Variants in BTRC observed in about 807,000 individuals in gnomAD.
The protein encoded by BTRC is beta-transducin repeat containing E3 ubiquitin protein ligase.
In BTRC, 42 loss-of-function variants were observed where a neutral mutation model predicts 85.5. The observed-to-expected ratio is 0.49, with a 90% CI of 0.38 to 0.64. BTRC has a LOEUF of 0.64. Among genes scored for constraint, BTRC ranks in the 30% least tolerant of loss-of-function variants. The probability of loss-of-function intolerance (pLI) is 0.00; values close to 1 mark genes in which losing one functional copy is unlikely to be tolerated. For missense variants in BTRC, 594 were observed against 743.5 expected (o/e 0.80, Z 2.34); for synonymous variants, 255 against 263.3 (o/e 0.97, Z 0.30).
intron 1 of BTRC, among the ~76,000 whole-genome samples, chr10:101,362,108 G>A (rs533113568): frequency 1.3e-5 from 2 of 151,934 alleles, no homozygotes; most frequent in South Asian, 2.1e-4. Flanking sequence ...TTACAGGCAC[G>A]TACCACCACA....
intron 2 of BTRC, among the ~76,000 whole-genome samples, chr10:101,433,484 G>A (rs1314522875): frequency 6.6e-6 from 1 of 152,136 alleles, no homozygotes; most frequent in Non-Finnish European, 1.5e-5. Context: ...GGGAGGAATG[G>A]AGGAGAAGGA....
At chr10:101,523,870 A>AT (rs1352466644) in intron 5 of BTRC, among the ~76,000 whole-genome samples, 2 of 152,162 alleles carry the variant, frequency 1.3e-5, no homozygotes, top group Non-Finnish European at 2.9e-5. Context: ...TAGTTTCAAA[A>AT]TTTTTTCATA....
At chr10:101,406,036 A>T (rs996605602) in intron 1 of BTRC, among the ~76,000 whole-genome samples, 15 of 132,574 alleles carry the variant, frequency 1.1e-4, no homozygotes, top group Non-Finnish European at 2.1e-4. Flanking sequence ...CTCTCAAACT[A>T]TGTAGATTTG....
chr10:101,393,555 C>T (rs1465153768), intron 1 of BTRC, among the ~76,000 whole-genome samples: 1 of 152,192 alleles, frequency 6.6e-6, no homozygotes, highest in Non-Finnish European at 1.5e-5. Flanking sequence ...TCAGTCCTGT[C>T]AAAGTACATC....
At chr10:101,519,598 C>T (rs2062073509) in intron 4 of BTRC, among the ~76,000 whole-genome samples, 1 of 152,192 alleles carries the variant, frequency 6.6e-6, no homozygotes, top group Admixed American at 6.5e-5. Context: ...GAGTAATCTC[C>T]TTATCTTAAG....
intron 1 of BTRC, among the ~76,000 whole-genome samples, chr10:101,381,823 T>C (rs1439142065): frequency 6.6e-6 from 1 of 152,104 alleles, no homozygotes; most frequent in Non-Finnish European, 1.5e-5. Flanking sequence ...CTTCTGCATG[T>C]ATTTTCTAAG....
chr10:101,397,502 A>G (rs1429457243), intron 1 of BTRC, among the ~76,000 whole-genome samples: 1 of 152,232 alleles, frequency 6.6e-6, no homozygotes, highest in Non-Finnish European at 1.5e-5. Flanking sequence ...TGTCCTTTCT[A>G]ATTGTGTTTC....
intron 3 of BTRC, among the ~76,000 whole-genome samples, chr10:101,465,354 A>G (rs1366351001): frequency 6.6e-6 from 1 of 152,204 alleles, no homozygotes; most frequent in African/African-American, 2.4e-5. Context: ...GCGTTTTGCC[A>G]TTGTTGATAG....
At chr10:101,477,040 G>A (rs1364266345) in intron 3 of BTRC, among the ~76,000 whole-genome samples, 1 of 152,128 alleles carries the variant, frequency 6.6e-6, no homozygotes, top group African/African-American at 2.4e-5. Context: ...GCCGTGGCAC[G>A]ATCTAGGCTT....
At chr10:101,521,906 T>C (rs760559947) in intron 5 of BTRC, 36 bp downstream of exon 5, 1 of 1,514,342 alleles carries the variant, frequency 6.6e-7, no homozygotes, top group South Asian at 1.2e-5. Context: ...ATTAATTTGC[T>C]ATGATGATAA....
chr10:101,483,719 T>C (rs1945907850), intron 4 of BTRC, among the ~76,000 whole-genome samples: 2 of 152,234 alleles, frequency 1.3e-5, no homozygotes, highest in Admixed American at 6.5e-5. Flanking sequence ...TGGCCCTGTG[T>C]TTCATGAGAT....
intron 4 of BTRC, among the ~76,000 whole-genome samples, chr10:101,516,294 T>C (rs1366174012): frequency 6.6e-6 from 1 of 152,178 alleles, no homozygotes; most frequent in Non-Finnish European, 1.5e-5. Flanking sequence ...GAACCTATTA[T>C]ATTATTTTCC....
chr10:101,363,909 A>G (rs1042310170), intron 1 of BTRC, among the ~76,000 whole-genome samples: 2 of 152,124 alleles, frequency 1.3e-5, no homozygotes, highest in African/African-American at 4.8e-5. Context: ...CATTTCAGTT[A>G]GCTATTGGCG....
chr10:101,512,293 G>T (rs561823849), intron 4 of BTRC, among the ~76,000 whole-genome samples: 1 of 152,090 alleles, frequency 6.6e-6, no homozygotes, highest in South Asian at 2.1e-4. Flanking sequence ...TCCCCCCATA[G>T]TTCTCAATGC....
chr10:101,493,149 A>G (rs1267099145), intron 4 of BTRC, among the ~76,000 whole-genome samples: 2 of 152,226 alleles, frequency 1.3e-5, no homozygotes, highest in African/African-American at 4.8e-5. Context: ...TGGTCTTATT[A>G]TAGAGTTTGT....
At chr10:101,508,890 G>A (rs1020352330) in intron 4 of BTRC, among the ~76,000 whole-genome samples, 15 of 124,986 alleles carry the variant, frequency 1.2e-4, no homozygotes, top group African/African-American at 4.1e-4. Flanking sequence ...CTCCAGTCTG[G>A]GCAACAATGC....
intron 10 of BTRC, 150 bp downstream of exon 10, chr10:101,535,060 G>A (rs2062365424): frequency 2.1e-6 from 2 of 936,102 alleles, no homozygotes; most frequent in South Asian, 1.6e-5. Context: ...GGTGTAATAA[G>A]TGAGACGTTG....
intron 6 of BTRC, 52 bp from the exon 7 acceptor site, chr10:101,531,185 T>C: frequency 7.2e-7 from 1 of 1,381,218 alleles, no homozygotes; most frequent in East Asian, 2.3e-5. Flanking sequence ...TATATATGTA[T>C]TTAAATATAT....
chr10:101,417,831 G>T (rs1188736451), intron 1 of BTRC, among the ~76,000 whole-genome samples: 1 of 152,014 alleles, frequency 6.6e-6, no homozygotes, highest in Non-Finnish European at 1.5e-5. Flanking sequence ...TGTCACCATG[G>T]CTTCTTTTTT....
Sources: allele counts gnomAD v4.1 joint callset (sites outside exome capture counted in the v4.1 genomes callset), GRCh38; gene constraint gnomAD v4.1.1; transcripts MANE v1.5; gene names NCBI Gene and HGNC (gene_info 2026-07-23, HGNC 2026-07-21).